Variants in CALN1 observed in about 807,000 individuals in gnomAD.
CALN1 encodes the protein calcium-binding protein 8.
CALN1 carries 17 observed loss-of-function variants against 30.6 expected under a neutral mutation model. That is an observed-to-expected ratio of 0.56 (90% CI 0.38 to 0.83). CALN1 has a LOEUF of 0.83. Among genes scored for constraint, CALN1 ranks in the 40% least tolerant of loss-of-function variants. The pLI is 0.00. For missense variants in CALN1, 291 were observed against 354.9 expected (o/e 0.82, Z 1.45); for synonymous variants, 156 against 131.4 (o/e 1.19, Z -1.28).
At chr7:71,979,049 TG>T (rs1798253016) in intron 5 of CALN1, among the ~76,000 whole-genome samples, 2 of 152,066 alleles carry the variant, frequency 1.3e-5, no homozygotes, top group South Asian at 4.1e-4. Flanking sequence ...ATGGTAGAGA[TG>T]ATGTCTCCCT....
intron 2 of CALN1, among the ~76,000 whole-genome samples, chr7:72,313,284 A>G (rs1341047228): frequency 6.6e-6 from 1 of 152,180 alleles, no homozygotes; most frequent in Non-Finnish European, 1.5e-5. Context: ...CAGTGAATGG[A>G]TTATTTAGTA....
intron 5 of CALN1, among the ~76,000 whole-genome samples, chr7:71,965,906 G>A (rs1797507389): frequency 6.6e-6 from 1 of 151,570 alleles, no homozygotes; most frequent in African/African-American, 2.4e-5. Context: ...TGTAGAAAAG[G>A]ACAGTAGCGG....
At chr7:72,087,001 C>T (rs1291771298) in intron 4 of CALN1, among the ~76,000 whole-genome samples, 1 of 151,950 alleles carries the variant, frequency 6.6e-6, no homozygotes, top group African/African-American at 2.4e-5. Flanking sequence ...AAAGTTGTTA[C>T]TGACTTAAAA....
the CALN1 span, among the ~76,000 whole-genome samples, chr7:72,489,967 C>T: frequency 6.6e-6 from 1 of 152,242 alleles, no homozygotes; most frequent in African/African-American, 2.4e-5. Flanking sequence ...CTAGCCAGGG[C>T]TCTCTAGACA....
intron 6 of CALN1, among the ~76,000 whole-genome samples, chr7:71,789,084 T>G (rs1351859355): frequency 1.3e-5 from 2 of 151,390 alleles, no homozygotes; most frequent in Non-Finnish European, 2.9e-5. Context: ...ATTACAGGCA[T>G]GAGCCACCAT....
chr7:72,071,736 C>G (rs1804408926), intron 4 of CALN1, among the ~76,000 whole-genome samples: 1 of 152,154 alleles, frequency 6.6e-6, no homozygotes, highest in Non-Finnish European at 1.5e-5. Context: ...TACAAAGAAA[C>G]AGGAAAGTAT....
chr7:71,879,985 G>A (rs1791922811), intron 5 of CALN1, among the ~76,000 whole-genome samples: 1 of 152,030 alleles, frequency 6.6e-6, no homozygotes, highest in Admixed American at 6.6e-5. Context: ...AAAAACAGAG[G>A]TTAGGCTGGG....
chr7:71,968,259 T>C (rs1797624728), intron 5 of CALN1, among the ~76,000 whole-genome samples: 1 of 152,164 alleles, frequency 6.6e-6, no homozygotes, highest in Non-Finnish European at 1.5e-5. Context: ...GAAAGCATTA[T>C]ACTGAATGAA....
At chr7:72,199,972 C>T (rs1056974266) in intron 3 of CALN1, among the ~76,000 whole-genome samples, 1 of 152,168 alleles carries the variant, frequency 6.6e-6, no homozygotes, top group African/African-American at 2.4e-5. Flanking sequence ...GGGCAGCCTG[C>T]AAGGTTAGCA....
intron 2 of CALN1, among the ~76,000 whole-genome samples, chr7:72,371,938 G>A (rs981590248): frequency 6.6e-6 from 1 of 152,144 alleles, no homozygotes; most frequent in Non-Finnish European, 1.5e-5. Context: ...TACACTAACA[G>A]GTAGATTGGG....
intron 5 of CALN1, among the ~76,000 whole-genome samples, chr7:71,987,510 G>A (rs183590518): frequency 1.1e-4 from 17 of 152,370 alleles, no homozygotes; most frequent in African/African-American, 3.6e-4. Flanking sequence ...TGGGCACAGG[G>A]AAGAGCCACT....
intron 4 of CALN1, among the ~76,000 whole-genome samples, chr7:72,070,695 T>C (rs1804329804): frequency 2.6e-5 from 4 of 152,240 alleles, no homozygotes. Flanking sequence ...AATTTCCAAA[T>C]CTGACATATG....
chr7:71,845,363 AG>A (rs1441202986), intron 5 of CALN1, among the ~76,000 whole-genome samples: 2 of 152,204 alleles, frequency 1.3e-5, no homozygotes, highest in Admixed American at 1.3e-4. Context: ...AGGCCTAGGC[AG>A]GGTTTCCTTC....
intron 5 of CALN1, among the ~76,000 whole-genome samples, chr7:71,818,030 A>C (rs1788368982): frequency 6.6e-6 from 1 of 152,094 alleles, no homozygotes; most frequent in Non-Finnish European, 1.5e-5. Context: ...TAATCCAACA[A>C]ATGGTTATTG....
intron 2 of CALN1, among the ~76,000 whole-genome samples, chr7:72,395,565 A>G (rs1361921859): frequency 6.6e-6 from 1 of 152,234 alleles, no homozygotes; most frequent in Non-Finnish European, 1.5e-5. Context: ...ATTTATTTAT[A>G]TTGATGTTCT....
chr7:71,921,086 T>C (rs1794921298), intron 5 of CALN1, among the ~76,000 whole-genome samples: 1 of 152,156 alleles, frequency 6.6e-6, no homozygotes, highest in African/African-American at 2.4e-5. Flanking sequence ...ACCATCGTTC[T>C]AGCAAACCAA....
chr7:71,808,601 T>C (rs1005625758), intron 6 of CALN1, among the ~76,000 whole-genome samples: 5 of 152,102 alleles, frequency 3.3e-5, no homozygotes, highest in Admixed American at 6.6e-5. Context: ...TTTTGAGAAA[T>C]AAAAAGGCCT....
intron 4 of CALN1, among the ~76,000 whole-genome samples, chr7:72,096,861 T>C (rs537805842): frequency 6.6e-6 from 1 of 152,158 alleles, no homozygotes; most frequent in African/African-American, 2.4e-5. Flanking sequence ...CATGCACACA[T>C]ATGTTTATTG....
intron 2 of CALN1, among the ~76,000 whole-genome samples, chr7:72,302,893 C>CAAA (rs71069055): frequency 0.33 from 16,006 of 48,712 alleles, 3,663 homozygotes; most frequent in South Asian, 0.4. Context: ...GTGAGGGTCT[C>CAAA]AAAAAAAAAA....
Sources: allele counts gnomAD v4.1 joint callset (sites outside exome capture counted in the v4.1 genomes callset), GRCh38; gene constraint gnomAD v4.1.1; transcripts MANE v1.5; gene names NCBI Gene and HGNC (gene_info 2026-07-23, HGNC 2026-07-21).